Variants in INSC observed in about 807,000 individuals in gnomAD.
INSC encodes the protein INSC spindle orientation adaptor protein, also known as protein inscuteable homolog.
INSC carries 67 observed loss-of-function variants against 58.6 expected under a neutral mutation model. The ratio of observed to expected loss-of-function variants is 1.14; its 90% CI spans 0.94 to 1.40. The LOEUF (loss-of-function observed/expected upper bound fraction) is 1.40, where lower values mean the gene tolerates loss of function less well. INSC is among the 40% of genes most tolerant of loss of function. The pLI is 0.00. For synonymous variants in INSC, 262 were observed against 276.1 expected, an observed-to-expected ratio of 0.95 and a Z score of 0.51; for missense variants, 714 against 692.0, an observed-to-expected ratio of 1.03 and a Z score of -0.36.
intron 2 of INSC, 101 bp from the exon 3 acceptor site, chr11:15,175,640 A>G (rs1792588): frequency 0.52 from 416,063 of 797,588 alleles, 114,756 homozygotes; most frequent in East Asian, 0.96. Context: ...ACACTGCTAA[A>G]CATATAATAG....
chr11:15,221,546 G>A lies in INSC; in HGVS notation c.889G>A (p.Ala297Thr), dbSNP rs777318471. The change falls in exon 8 of 13, where the codon GCT (alanine) becomes ACT (threonine). Residue 297 changes from alanine (A) to threonine (T), a missense_variant. By Grantham distance (58) the Ala-to-Thr change is moderately conservative (BLOSUM62 0). Coordinates refer to ENST00000379556, the MANE Select transcript of INSC (RefSeq NM_001042536.3). ...NSHSEATRAE[A>T]AAVVAQVTSP... ...CCACTCAGAGGCCACACGGGCTGAGGCTGCGGCTGTGGTGGCCCAGGTCAC... is the reference window on the plus strand; with the variant it reads ...CCACTCAGAGGCCACACGGGCTGAGACTGCGGCTGTGGTGGCCCAGGTCAC... 2 of 1,614,088 alleles carry A rather than the reference G, an allele frequency of 1.2e-6. No homozygotes were observed. The highest frequency in any genetic ancestry group is 1.7e-6 in the Non-Finnish European group (2 of 1,180,002).
intron 1 of INSC, among the ~76,000 whole-genome samples, chr11:15,122,281 C>T (rs912068625): frequency 6.6e-6 from 1 of 152,180 alleles, no homozygotes; most frequent in Non-Finnish European, 1.5e-5. Context: ...AATATTTAGA[C>T]AGACAGCATG....
chr11:15,134,749 T>A (rs1034564460), intron 1 of INSC, among the ~76,000 whole-genome samples: 7 of 152,124 alleles, frequency 4.6e-5, no homozygotes, highest in Non-Finnish European at 8.8e-5. Context: ...AACATGTTGT[T>A]TATTTCTTGC....
chr11:15,119,788 C>T (rs565338558), intron 1 of INSC, among the ~76,000 whole-genome samples: 9 of 152,254 alleles, frequency 5.9e-5, no homozygotes, highest in South Asian at 4.2e-4. Context: ...TGGCAATGTG[C>T]GGAAAAGAGT....
intron 2 of INSC, among the ~76,000 whole-genome samples, chr11:15,156,926 T>G (rs1590373514): frequency 6.6e-6 from 1 of 152,358 alleles, no homozygotes; most frequent in African/African-American, 2.4e-5. Context: ...CCACCCTGGA[T>G]AATTCCAGCT....
intron 2 of INSC, among the ~76,000 whole-genome samples, chr11:15,156,217 T>A (rs183831610): frequency 7.2e-5 from 11 of 152,270 alleles, no homozygotes; most frequent in Admixed American, 3.3e-4. Context: ...GCACCCCAAT[T>A]TTCCTCAGAA....
intron 1 of INSC, among the ~76,000 whole-genome samples, chr11:15,123,121 G>A (rs547362668): frequency 8.5e-4 from 130 of 152,206 alleles, no homozygotes; most frequent in African/African-American, 2.9e-3. Flanking sequence ...TAGAATGCTC[G>A]TTCTTCCTGA....
intron 10 of INSC, among the ~76,000 whole-genome samples, chr11:15,237,115 T>C (rs1253303865): frequency 1.3e-5 from 2 of 152,226 alleles, no homozygotes; most frequent in African/African-American, 2.4e-5. Context: ...TAAACAGTTA[T>C]TGAGACCTAA....
chr11:15,227,710 G>C (rs1451897891), intron 9 of INSC, among the ~76,000 whole-genome samples: 1 of 152,210 alleles, frequency 6.6e-6, no homozygotes, highest in African/African-American at 2.4e-5. Flanking sequence ...GCCTACCATA[G>C]ACATACCCTT....
At chr11:15,192,551 T>G (rs992862410) in intron 6 of INSC, among the ~76,000 whole-genome samples, 1 of 152,238 alleles carries the variant, frequency 6.6e-6, no homozygotes, top group Non-Finnish European at 1.5e-5. Context: ...CCTTAGTGCC[T>G]AGTGCAATGC....
intron 1 of INSC, among the ~76,000 whole-genome samples, chr11:15,134,349 A>G (rs1368621112): frequency 2.6e-5 from 4 of 152,218 alleles, no homozygotes; most frequent in African/African-American, 9.6e-5. Flanking sequence ...TTAAAATATG[A>G]AAAAAAGATA....
At chr11:15,173,641 T>G (rs987821337) in intron 2 of INSC, among the ~76,000 whole-genome samples, 4 of 152,130 alleles carry the variant, frequency 2.6e-5, no homozygotes, top group African/African-American at 9.7e-5. Context: ...CACATACATA[T>G]GCATGTATAT....
Position 15,178,436 on chromosome 11 carries a change from C to T in INSC, c.568C>T (p.Arg190Trp), listed in dbSNP as rs781018906. 63 of 1,610,920 alleles carry T rather than the reference C, an allele frequency of 3.9e-5. No homozygotes were observed. The highest frequency in any genetic ancestry group is 3.6e-4 in the East Asian group (16 of 44,862). Reference protein sequence around the residue: ...FGQLLELALTREVQALVRKID... With the variant: ...FGQLLELALTWEVQALVRKID... ...TCAGCTGCTGGAGCTGGCCCTGACACGGGAGGTTCAGGTCAGTGCAGGCTG... is the reference window on the plus strand; with the variant it reads ...TCAGCTGCTGGAGCTGGCCCTGACATGGGAGGTTCAGGTCAGTGCAGGCTG... Residue 190 changes from arginine (R) to tryptophan (W), a missense_variant, in exon 5 of 13, where the codon CGG becomes TGG. By Grantham distance (101) the Arg-to-Trp change is moderately radical (BLOSUM62 -3). Coordinates refer to ENST00000379556, the MANE Select transcript of INSC (RefSeq NM_001042536.3).
the INSC span, among the ~76,000 whole-genome samples, chr11:15,256,132 G>A: frequency 3.9e-5 from 6 of 152,288 alleles, no homozygotes; most frequent in South Asian, 1.2e-3. Context: ...CTACTCACAG[G>A]GAAGGCAGGG....
chr11:15,201,923 C>G (rs1540156), intron 7 of INSC, among the ~76,000 whole-genome samples: 89,058 of 152,008 alleles, frequency 0.59, 26,477 homozygotes, highest in East Asian at 0.83. Context: ...CCACCCTACC[C>G]TCAGCTTCTT....
Position 15,119,193 on chromosome 11 carries a change from G to A in INSC, c.-46+4190G>A, listed in dbSNP as rs372521568. 2.0e-5 allele frequency among the ~76,000 whole-genome samples: 3 copies of A among 152,206 alleles called. No homozygotes were observed. The East Asian group carries it at 5.8e-4, about 29-fold the overall frequency. ...GACCTCAACGTGATCAGCATCATTG[G>A]CCTTTCCAGCCTCAGCTGGAGACTG... On this transcript the variant is annotated intron_variant, in intron 1 of 12. Coordinates refer to ENST00000379556, the MANE Select transcript of INSC (RefSeq NM_001042536.3).
At chr11:15,224,406 G>A (rs1851553521) in intron 8 of INSC, among the ~76,000 whole-genome samples, 1 of 152,210 alleles carries the variant, frequency 6.6e-6, no homozygotes, top group Admixed American at 6.5e-5. Context: ...TGCATTCACA[G>A]GTAGGTGCTA....
intron 1 of INSC, among the ~76,000 whole-genome samples, chr11:15,118,896 G>A (rs1847800809): frequency 6.6e-6 from 1 of 152,120 alleles, no homozygotes; most frequent in Admixed American, 6.5e-5. Context: ...TTTGTTTCAT[G>A]AAACCTCTAT....
intron 5 of INSC, 46 bp downstream of exon 5, chr11:15,178,493 T>C: frequency 1.3e-6 from 2 of 1,586,472 alleles, no homozygotes; most frequent in Non-Finnish European, 1.7e-6. Flanking sequence ...TGTGGACCCT[T>C]GGAGGAAAGG....
Sources: allele counts gnomAD v4.1 joint callset (sites outside exome capture counted in the v4.1 genomes callset), GRCh38; gene constraint gnomAD v4.1.1; transcripts MANE v1.5; gene names NCBI Gene and HGNC (gene_info 2026-07-23, HGNC 2026-07-21).